Variants in NRG1 observed in about 807,000 individuals in gnomAD.
NRG1 encodes the protein pro-neuregulin-1, membrane-bound isoform.
In NRG1, 18 loss-of-function variants were observed where a neutral mutation model predicts 63.8. The observed-to-expected ratio is 0.28, with a 90% CI of 0.19 to 0.42. NRG1 has a LOEUF of 0.42. Among genes scored for constraint, NRG1 ranks in the 10% least tolerant of loss-of-function variants. The probability of loss-of-function intolerance (pLI) is 1.00; values close to 1 mark genes in which losing one functional copy is unlikely to be tolerated. For missense variants in NRG1, 762 were observed against 814.7 expected, an observed-to-expected ratio of 0.94 and a Z score of 0.79; for synonymous variants, 302 against 301.3, an observed-to-expected ratio of 1.00 and a Z score of -0.02.
At position 32,648,428 on chromosome 8, in the gene NRG1, A is replaced by T. The variant is rs769940545; in HGVS notation, c.502+31543A>T. ...AGAGACGATGATGATGATGAATAAA[A>T]GGGGTGGGTTTGAGGTCCCCAAAGG... On this transcript the variant is annotated intron_variant, in intron 5 of 11. Transcript: ENST00000356819. 2.5e-6 allele frequency: 4 copies of T among 1,592,664 alleles called. No individual in the cohort carries two copies. The South Asian group carries it at 4.5e-5, about 18-fold the overall frequency.
At position 32,344,419 on chromosome 8, in the gene NRG1, A is replaced by ATGTGTGTGTG. The variant is rs397956518; in HGVS notation, c.38-251379_38-251370dup. Among the ~76,000 whole-genome samples the ATGTGTGTGTG allele has an allele frequency of 1.0e-4, 6 of 57,456 alleles. 1 individual carries two copies. The highest frequency in any genetic ancestry group is 2.7e-4 in the African/African-American group (5 of 18,744). The allele number at this position is 57,456 out of a possible 152,430, so 37.7% of individuals were successfully genotyped here. A position where few individuals can be genotyped will look rare whatever the true frequency, so the allele number is the denominator to read the frequency against. ...TTTTTGTGCATGCATGCGTGCATGC[A>ATGTGTGTGTG]TGTGTGTGTGTGTGTGTGTGTGTGT... On this transcript the variant is annotated intron_variant, in intron 1 of 10. Transcript: ENST00000519301.
At chr8:32,517,998 G>A (rs1829996775) in intron 1 of NRG1, among the ~76,000 whole-genome samples, 1 of 152,060 alleles carries the variant, frequency 6.6e-6, no homozygotes, top group South Asian at 2.1e-4. Flanking sequence ...CAGAGCAGGG[G>A]AATGCTGTGT....
At chr8:31,946,174 A>C (rs1281583041) in intron 1 of NRG1, among the ~76,000 whole-genome samples, 1 of 152,230 alleles carries the variant, frequency 6.6e-6, no homozygotes, top group East Asian at 1.9e-4. Flanking sequence ...TTTGTCTGAC[A>C]GCATTTTTCC....
rs576616103 is a variant in NRG1, at chr8:32,705,557, G to A, written c.503-22392G>A. Reference sequence around the variant, plus strand: ...AGGACATTAGGTGTTTCTCCACTTTGAGAGGGGATCTCCTCTTGATCTACT... The same window carrying A: ...AGGACATTAGGTGTTTCTCCACTTTAAGAGGGGATCTCCTCTTGATCTACT... On this transcript the variant is annotated intron_variant, in intron 5 of 11. Transcript: ENST00000356819. Among the ~76,000 whole-genome samples, 77 of 152,304 alleles carry A rather than the reference G, an allele frequency of 5.1e-4. 1 individual carries two copies. Among genetic ancestry groups the A allele is most frequent in the African/African-American group, 1.9e-3 (77 of 41,570 alleles).
chr8:32,749,627 G>T (rs1828283386), intron 7 of NRG1: 1 of 1,597,228 alleles, frequency 6.3e-7, no homozygotes, highest in Non-Finnish European at 8.5e-7. Context: ...AGAATTTAGA[G>T]CCTATGAGCT....
chr8:32,162,635 T>G (rs1304455151), intron 1 of NRG1, among the ~76,000 whole-genome samples: 1 of 152,180 alleles, frequency 6.6e-6, no homozygotes, highest in African/African-American at 2.4e-5. Context: ...TGCCAGCCAC[T>G]CCTATCTTCA....
At chr8:32,325,920 A>T (rs991516643) in intron 1 of NRG1, among the ~76,000 whole-genome samples, 1 of 152,054 alleles carries the variant, frequency 6.6e-6, no homozygotes, top group African/African-American at 2.4e-5. Flanking sequence ...GAGCACCACG[A>T]TGCTGGCTAC....
chr8:31,767,957 C>G (rs1818242002), intron 1 of NRG1, among the ~76,000 whole-genome samples: 1 of 151,830 alleles, frequency 6.6e-6, no homozygotes. Flanking sequence ...CAACATCGGT[C>G]AAATTCCTTA....
intron 1 of NRG1, among the ~76,000 whole-genome samples, chr8:32,041,800 C>G (rs1380903249): frequency 6.6e-6 from 1 of 152,072 alleles, no homozygotes; most frequent in East Asian, 1.9e-4. Flanking sequence ...CACAGGTAAC[C>G]AAAAAGTACC....
chr8:32,403,299 C>CAAAAAAAAAAAAAAAAACAAAAAAAAAAA (rs1813480030), intron 1 of NRG1, among the ~76,000 whole-genome samples: 1 of 89,806 alleles, frequency 1.1e-5, no homozygotes. Context: ...CACTCTGTCT[C>CAAAAAAAAAAAAAAAAACAAAAAAAAAAA]AAAAAAAAAA....
chr8:31,709,920 A>C (rs1017754214), intron 1 of NRG1, among the ~76,000 whole-genome samples: 1 of 151,048 alleles, frequency 6.6e-6, no homozygotes, highest in Non-Finnish European at 1.5e-5. Context: ...TTTTTCCCTA[A>C]CTCCATAAAT....
At position 32,336,983 on chromosome 8, in the gene NRG1, A is replaced by T. The variant is rs561250977; in HGVS notation, c.38-258845A>T. On this transcript the variant is annotated intron_variant, in intron 1 of 10. Transcript: ENST00000519301. ...TTCAGCAAGGAGATTACATGATCTCAATGGACTTCTTATTTTTCTTTAATT... is the reference window on the plus strand; with the variant it reads ...TTCAGCAAGGAGATTACATGATCTCTATGGACTTCTTATTTTTCTTTAATT... Among the ~76,000 whole-genome samples the T allele has an allele frequency of 5.3e-5, 8 of 152,234 alleles. No individual in the cohort carries two copies. The East Asian group carries it at 5.8e-4, about 11-fold the overall frequency.
At chr8:32,277,409 C>T (rs1852224933) in intron 1 of NRG1, among the ~76,000 whole-genome samples, 4 of 152,190 alleles carry the variant, frequency 2.6e-5, no homozygotes, top group African/African-American at 9.6e-5. Flanking sequence ...ATCCAATCTG[C>T]AGCCTGTCAT....
intron 1 of NRG1, among the ~76,000 whole-genome samples, chr8:32,313,792 T>C (rs1416984424): frequency 6.6e-6 from 1 of 152,206 alleles, no homozygotes; most frequent in African/African-American, 2.4e-5. Flanking sequence ...TCTATTACAA[T>C]TTTAGTCTAT....
intron 1 of NRG1, among the ~76,000 whole-genome samples, chr8:32,229,812 T>C (rs1296071625): frequency 1.3e-5 from 2 of 152,206 alleles, no homozygotes; most frequent in African/African-American, 4.8e-5. Flanking sequence ...GTTTTGGGTT[T>C]GATGCAGTTT....
At chr8:32,683,162 T>C (rs1028468221) in intron 5 of NRG1, among the ~76,000 whole-genome samples, 6 of 152,202 alleles carry the variant, frequency 3.9e-5, no homozygotes. Context: ...ATGAGAACCT[T>C]GCCATTTCTG....
Position 31,863,539 on chromosome 8 carries a change from A to G in NRG1, c.37+224108A>G, listed in dbSNP as rs567763141. ...TATTTACAAATGCCTCATGTGTCTC[A>G]GGGTGGTAAAAATGTTTCTATTCAA... is the stretch of plus-strand genomic sequence containing the variant. On this transcript the variant is annotated intron_variant, in intron 1 of 10. Coordinates refer to the NRG1 transcript ENST00000519301. Among the ~76,000 whole-genome samples, 17 of 152,318 alleles carry G rather than the reference A, an allele frequency of 1.1e-4. No homozygotes were observed. The East Asian group carries it at 3.3e-3, about 29-fold the overall frequency.
intron 1 of NRG1, among the ~76,000 whole-genome samples, chr8:32,030,978 A>G (rs7827456): frequency 0.53 from 80,229 of 152,046 alleles, 25,629 homozygotes; most frequent in Non-Finnish European, 0.71. Flanking sequence ...TGGTAGGATC[A>G]GTTATTTTGT....
chr8:32,165,900 T>C (rs185080598), intron 1 of NRG1, among the ~76,000 whole-genome samples: 9 of 152,228 alleles, frequency 5.9e-5, no homozygotes, highest in African/African-American at 1.7e-4. Flanking sequence ...TGTGAGCACA[T>C]AGGTTTGCAA....
Sources: allele counts gnomAD v4.1 joint callset (sites outside exome capture counted in the v4.1 genomes callset), GRCh38; gene constraint gnomAD v4.1.1; transcripts MANE v1.5; gene names NCBI Gene and HGNC (gene_info 2026-07-23, HGNC 2026-07-21).